The following ASTN2 variants were observed in gnomAD, a reference collection of about 807,000 sequenced individuals.
The protein encoded by ASTN2 is astrotactin 2, also known as astrotactin-2.
ASTN2 carries 54 observed loss-of-function variants against 139.8 expected under a neutral mutation model. The observed-to-expected ratio is 0.39, with a 90% CI of 0.31 to 0.48. The LOEUF (loss-of-function observed/expected upper bound fraction) is 0.48. Among genes scored for constraint, ASTN2 ranks in the 20% least tolerant of loss-of-function variants. ASTN2 has a pLI of 0.95. For synonymous variants in ASTN2, 756 were observed against 719.5 expected, an observed-to-expected ratio of 1.05 and a Z score of -0.81; for missense variants, 1,565 against 1,725.1, an observed-to-expected ratio of 0.91 and a Z score of 1.64.
chr9:117,089,521 C>T (rs7029011), intron 5 of ASTN2, among the ~76,000 whole-genome samples: 137,188 of 151,600 alleles, frequency 0.9, 62,199 homozygotes, highest in East Asian at 0.97. Context: ...GTGTTTTTTT[C>T]CCCATTCTTT....
intron 19 of ASTN2, among the ~76,000 whole-genome samples, chr9:116,552,407 G>GA (rs1373890047): frequency 1.8e-4 from 27 of 152,212 alleles, no homozygotes; most frequent in African/African-American, 6.3e-4. Context: ...AATCTCATGG[G>GA]AAAACTCAAC....
At chr9:116,733,624 G>C (rs1828846151) in intron 13 of ASTN2, 101 bp from the exon 14 acceptor site, 1 of 1,483,070 alleles carries the variant, frequency 6.7e-7, no homozygotes, top group Non-Finnish European at 9.2e-7. Flanking sequence ...AAAGACTCAT[G>C]GTGGGGTGAC....
chr9:116,499,163 C>T (rs539999999), intron 19 of ASTN2, among the ~76,000 whole-genome samples: 1 of 152,304 alleles, frequency 6.6e-6, no homozygotes, highest in South Asian at 2.1e-4. Context: ...TTTGTAGTTA[C>T]TGTGTTTGTC....
chr9:116,688,771 G>C (rs1285022755), intron 16 of ASTN2, among the ~76,000 whole-genome samples: 2 of 152,146 alleles, frequency 1.3e-5, no homozygotes, highest in African/African-American at 2.4e-5. Flanking sequence ...AGGGGAATGA[G>C]TGGAATAATT....
intron 2 of ASTN2, among the ~76,000 whole-genome samples, chr9:117,262,080 TA>T (rs1044624782): frequency 1.3e-5 from 2 of 152,174 alleles, no homozygotes; most frequent in African/African-American, 4.8e-5. Context: ...GAGAACGACA[TA>T]AACAAAAGAG....
In ASTN2 at chr9:116,976,778, G is replaced by A. The variant is rs752125816; in HGVS notation, c.1599C>T (p.Cys533=). 3 of 1,613,782 alleles carry A rather than the reference G, an allele frequency of 1.9e-6. No homozygotes were observed. In the Admixed American group the frequency reaches 5.0e-5, roughly 27 times the overall value. The change falls in exon 8 of 23, where the codon TGC becomes TGT. Residue 533 remains cysteine, a synonymous_variant. Transcript: ENST00000313400. ...EQLCDPETGE[C]SCHEGYAPDP... is the part of the protein sequence containing the mutation. Reference sequence around the variant, plus strand: ...CAGGGGCATAGCCTTCATGACAGCTGCACTCTCCTGTAAGTGAAAAGAAAA... The same window carrying A: ...CAGGGGCATAGCCTTCATGACAGCTACACTCTCCTGTAAGTGAAAAGAAAA...
chr9:117,116,634 G>T (rs1829399635), intron 4 of ASTN2, among the ~76,000 whole-genome samples: 1 of 150,208 alleles, frequency 6.7e-6, no homozygotes, highest in Non-Finnish European at 1.5e-5. Flanking sequence ...TGGTGATTCT[G>T]GAAGGCAACA....
intron 7 of ASTN2, among the ~76,000 whole-genome samples, chr9:116,983,336 T>C (rs1271047123): frequency 6.6e-6 from 1 of 152,184 alleles, no homozygotes; most frequent in Non-Finnish European, 1.5e-5. Flanking sequence ...CTAAAAGTGG[T>C]ATGTGACATT....
At chr9:116,548,719 C>T (rs71505577) in intron 19 of ASTN2, among the ~76,000 whole-genome samples, 24,614 of 152,104 alleles carry the variant, frequency 0.16, 2,513 homozygotes, top group Non-Finnish European at 0.23. Flanking sequence ...GGTGATCCAC[C>T]GGCCTCAGCC....
At chr9:117,253,975 G>T (rs989188778) in intron 2 of ASTN2, among the ~76,000 whole-genome samples, 2 of 152,158 alleles carry the variant, frequency 1.3e-5, no homozygotes, top group African/African-American at 2.4e-5. Context: ...TCACAGGCCT[G>T]CCTACCTCCC....
At chr9:117,072,773 TA>T (rs1270870387) in intron 5 of ASTN2, among the ~76,000 whole-genome samples, 1 of 152,198 alleles carries the variant, frequency 6.6e-6, no homozygotes, top group African/African-American at 2.4e-5. Context: ...ATATAGAATT[TA>T]AGTGGCTCCT....
intron 1 of ASTN2, among the ~76,000 whole-genome samples, chr9:117,338,604 A>G (rs1329248413): frequency 6.6e-6 from 1 of 152,178 alleles, no homozygotes; most frequent in Admixed American, 6.5e-5. Context: ...GATCAATCAT[A>G]TAAGACAAAA....
At chr9:117,409,323 A>G (rs976527324) in intron 1 of ASTN2, among the ~76,000 whole-genome samples, 26 of 152,202 alleles carry the variant, frequency 1.7e-4, no homozygotes, top group Admixed American at 6.5e-4. Context: ...GATTCAGCAA[A>G]AGGAGGTAAA....
At chr9:117,046,465 G>A (rs1838745726) in intron 5 of ASTN2, among the ~76,000 whole-genome samples, 1 of 152,158 alleles carries the variant, frequency 6.6e-6, no homozygotes, top group African/African-American at 2.4e-5. Flanking sequence ...TTAAATAGGA[G>A]ATCATAATTA....
chr9:117,254,183 A>T (rs1443215105), intron 2 of ASTN2, among the ~76,000 whole-genome samples: 1 of 152,178 alleles, frequency 6.6e-6, no homozygotes, highest in African/African-American at 2.4e-5. Context: ...GAATGATGGT[A>T]TGAGAAATAA....
intron 1 of ASTN2, among the ~76,000 whole-genome samples, chr9:117,408,736 A>T (rs915217535): frequency 6.6e-6 from 1 of 152,124 alleles, no homozygotes; most frequent in African/African-American, 2.4e-5. Flanking sequence ...AGAAACAGCA[A>T]ATCTGGTCCA....
chr9:116,571,828 T>A (rs1236919007), intron 19 of ASTN2, among the ~76,000 whole-genome samples: 2 of 152,118 alleles, frequency 1.3e-5, no homozygotes, highest in Admixed American at 1.3e-4. Flanking sequence ...TGTGTGACCG[T>A]GTCTCTTTGT....
chr9:116,766,611 A>G (rs373456226), intron 13 of ASTN2, among the ~76,000 whole-genome samples: 3 of 152,066 alleles, frequency 2.0e-5, no homozygotes, highest in African/African-American at 7.2e-5. Context: ...ACACACAAGC[A>G]TACATATTTA....
intron 7 of ASTN2, among the ~76,000 whole-genome samples, chr9:116,977,236 T>A (rs1208955447): frequency 1.3e-5 from 2 of 152,232 alleles, no homozygotes; most frequent in Non-Finnish European, 2.9e-5. Context: ...AATCCCAAGT[T>A]AAATGCCGCT....
Sources: gnomAD v4.1 joint callset for allele counts (sites outside exome capture counted in the v4.1 genomes callset) on GRCh38, gnomAD v4.1.1 for gene constraint, MANE v1.5 for transcripts, NCBI Gene and HGNC (gene_info 2026-07-23, HGNC 2026-07-21) for gene names.